The following TMPRSS11F variants were observed in gnomAD, a reference collection of about 807,000 sequenced individuals.
TMPRSS11F encodes the protein transmembrane protease serine 11F.
In TMPRSS11F, 47 loss-of-function variants were observed where a neutral mutation model predicts 60.2. The ratio of observed to expected loss-of-function variants is 0.78; its 90% confidence interval spans 0.62 to 1.00. TMPRSS11F has a LOEUF of 1.00. Ranked by LOEUF, TMPRSS11F falls within the 50% of genes least tolerant of loss-of-function variation. TMPRSS11F has a pLI of 0.00. For missense variants in TMPRSS11F, 519 were observed against 522.9 expected, an observed-to-expected ratio of 0.99 and a Z score of 0.07; for synonymous variants, 166 against 167.3, an observed-to-expected ratio of 0.99 and a Z score of 0.06.
At chr4:68,114,118 T>C (rs976471617) in intron 1 of TMPRSS11F, among the ~76,000 whole-genome samples, 3 of 151,944 alleles carry the variant, frequency 2.0e-5, no homozygotes, top group African/African-American at 7.2e-5. Context: ...CACAAGGCAA[T>C]GATTGGGGAA....
rs1577905659 is a variant in TMPRSS11F, at chr4:68,053,764, C to T, written c.*145G>A. Reference sequence around the variant, plus strand: ...TTGGTCCTACGTATGTAAAGGCCACCTCAGGATATTAGATTTGTCTGGGTC... The same window carrying T: ...TTGGTCCTACGTATGTAAAGGCCACTTCAGGATATTAGATTTGTCTGGGTC... On this transcript the variant is annotated 3_prime_UTR_variant, in exon 10 of 10. Transcript: ENST00000356291. 1 of 746,474 alleles carries T rather than the reference C, an allele frequency of 1.3e-6. No homozygotes were observed. The highest frequency in any genetic ancestry group is 2.1e-6 in the Non-Finnish European group (1 of 477,402). The allele number at this position is 746,474 out of a possible 1,614,324, so 46.2% of individuals were successfully genotyped here.
At chr4:68,073,445 G>A (rs1434345775) in intron 4 of TMPRSS11F, among the ~76,000 whole-genome samples, 1 of 151,402 alleles carries the variant, frequency 6.6e-6, no homozygotes, top group Non-Finnish European at 1.5e-5. Flanking sequence ...GAGAGAGGGA[G>A]GAGAGAAAAG....
intron 4 of TMPRSS11F, among the ~76,000 whole-genome samples, chr4:68,073,607 G>C (rs556179819): frequency 6.6e-6 from 1 of 152,288 alleles, no homozygotes; most frequent in Admixed American, 6.5e-5. Flanking sequence ...TCTTCTGGTG[G>C]AGTAGGCTTA....
At chr4:68,114,990 T>TAA (rs56946635) in intron 1 of TMPRSS11F, among the ~76,000 whole-genome samples, 13 of 114,322 alleles carry the variant, frequency 1.1e-4, no homozygotes, top group East Asian at 5.2e-4. Context: ...ATTCATTATT[T>TAA]AAAAAAAAAA....
chr4:68,102,897 A>G (rs939788593), intron 1 of TMPRSS11F, among the ~76,000 whole-genome samples: 4 of 151,404 alleles, frequency 2.6e-5, no homozygotes, highest in African/African-American at 9.7e-5. Flanking sequence ...GCCAAGGCCA[A>G]TGTCCAGGAG....
intron 1 of TMPRSS11F, among the ~76,000 whole-genome samples, chr4:68,105,106 T>C (rs1018889237): frequency 2.1e-4 from 32 of 150,292 alleles, no homozygotes; most frequent in African/African-American, 6.8e-4. Flanking sequence ...GTATCAATTC[T>C]TCTTTAAATA....
chr4:68,101,209 T>C (rs566770984), intron 1 of TMPRSS11F, among the ~76,000 whole-genome samples: 1 of 152,330 alleles, frequency 6.6e-6, no homozygotes, highest in East Asian at 1.9e-4. Context: ...TTCAGTCTGA[T>C]GTAACTGGAA....
rs184749369 is a variant in TMPRSS11F at position 68,105,875 on chromosome 4, C to A, written c.12-6837G>T. Among the ~76,000 whole-genome samples the A allele has an allele frequency of 9.5e-3, 1,448 of 152,172 alleles. 18 individuals carry two copies. The highest frequency in any genetic ancestry group is 0.038 in the Middle Eastern group (11 of 292). On this transcript the variant is annotated intron_variant, in intron 1 of 9. Coordinates refer to ENST00000356291, the MANE Select transcript of TMPRSS11F (RefSeq NM_207407.2). Reference sequence around the variant, plus strand: ...TATCAGTATTTACTACCCAAATTCTCCATTTTAGCTGCTTTAAGATATTAA... The same window carrying A: ...TATCAGTATTTACTACCCAAATTCTACATTTTAGCTGCTTTAAGATATTAA...
At chr4:68,067,703 C>T (rs1014981858) in intron 7 of TMPRSS11F, among the ~76,000 whole-genome samples, 8 of 152,178 alleles carry the variant, frequency 5.3e-5, no homozygotes, top group Non-Finnish European at 7.4e-5. Flanking sequence ...TTCTTTTCTG[C>T]GAAAAAGCAA....
In TMPRSS11F at chr4:68,073,982, C is replaced by T. The variant is rs1188539429; in HGVS notation, c.310G>A (p.Val104Ile). Reference protein sequence around the residue: ...MMSRIFRHSSVGGRFIKSHVI... With the variant: ...MMSRIFRHSSIGGRFIKSHVI... Reference sequence around the variant, plus strand: ...TGAGATTTGATAAATCGACCGCCTACAGAAGAATGTCGAAATATCCTAGAC... The same window carrying T: ...TGAGATTTGATAAATCGACCGCCTATAGAAGAATGTCGAAATATCCTAGAC... Residue 104 changes from valine (V) to isoleucine (I), a missense_variant, in exon 4 of 10, where the codon GTA (valine) becomes ATA (isoleucine). Val to Ile is a conservative substitution (Grantham distance 29). Transcript: ENST00000356291. The T allele has an allele frequency of 6.3e-7, 1 of 1,585,194 alleles. No homozygotes were observed. Among genetic ancestry groups the T allele is most frequent in the Non-Finnish European group, 8.6e-7 (1 of 1,168,484 alleles).
chr4:68,117,224 T>C (rs4490508), intron 1 of TMPRSS11F, among the ~76,000 whole-genome samples: 42,262 of 151,664 alleles, frequency 0.28, 5,979 homozygotes, highest in East Asian at 0.49. Flanking sequence ...TCTCAGCACT[T>C]TGGGAGGCCG....
At position 68,053,892 on chromosome 4, in the gene TMPRSS11F, C is replaced by G; in HGVS notation, c.*17G>C. ...TCAGCTCTGTGTGCCATGTGTATAA[C>G]TCATGGGCAATCCACACTACATACC... is the stretch of plus-strand genomic sequence containing the variant. On this transcript the variant is annotated 3_prime_UTR_variant, in exon 10 of 10. Coordinates refer to ENST00000356291, the MANE Select transcript of TMPRSS11F (RefSeq NM_207407.2). 1 of 1,609,108 alleles carries G rather than the reference C, an allele frequency of 6.2e-7. No homozygotes were observed. The highest frequency in any genetic ancestry group is 8.5e-7 in the Non-Finnish European group (1 of 1,176,296).
At chr4:68,126,048 A>G (rs1389390696) in intron 1 of TMPRSS11F, among the ~76,000 whole-genome samples, 2 of 152,218 alleles carry the variant, frequency 1.3e-5, no homozygotes, top group African/African-American at 4.8e-5. Context: ...TGTTTACTTC[A>G]TACTTATCAA....
chr4:68,114,059 TA>T (rs1289082702), intron 1 of TMPRSS11F, among the ~76,000 whole-genome samples: 1 of 151,908 alleles, frequency 6.6e-6, no homozygotes, highest in East Asian at 1.9e-4. Flanking sequence ...CAAAAAAACT[TA>T]AAAAATATTT....
chr4:68,119,961 A>G (rs1241932148), intron 1 of TMPRSS11F, among the ~76,000 whole-genome samples: 2 of 152,302 alleles, frequency 1.3e-5, no homozygotes, highest in South Asian at 2.1e-4. Context: ...AGGTCAAAAT[A>G]TCAAAATTAA....
chr4:68,119,416 A>T (rs923362654), intron 1 of TMPRSS11F, among the ~76,000 whole-genome samples: 2 of 152,220 alleles, frequency 1.3e-5, no homozygotes, highest in African/African-American at 4.8e-5. Context: ...TTTTCAATAT[A>T]GGCAACTTTC....
chr4:68,056,192 G>T (rs946127934), intron 9 of TMPRSS11F, among the ~76,000 whole-genome samples: 5 of 152,056 alleles, frequency 3.3e-5, no homozygotes, highest in East Asian at 1.9e-4. Context: ...TTAGGCAAGA[G>T]AAAGAAATAG....
chr4:68,078,169 G>A (rs1007209733), intron 3 of TMPRSS11F, among the ~76,000 whole-genome samples: 18 of 152,114 alleles, frequency 1.2e-4, no homozygotes, highest in Admixed American at 4.6e-4. Flanking sequence ...CCTGATCCTG[G>A]TCCAGCTGGA....
chr4:68,117,291 C>T (rs1208149296), intron 1 of TMPRSS11F, among the ~76,000 whole-genome samples: 2 of 151,706 alleles, frequency 1.3e-5, no homozygotes, highest in African/African-American at 2.4e-5. Flanking sequence ...CACGGTGAAA[C>T]CCCGTCTCTA....
Sources: allele counts gnomAD v4.1 joint callset (sites outside exome capture counted in the v4.1 genomes callset), GRCh38; gene constraint gnomAD v4.1.1; transcripts MANE v1.5; gene names NCBI Gene and HGNC (gene_info 2026-07-23, HGNC 2026-07-21).